FHIT: variants seen among roughly 807,000 people sequenced by gnomAD.
FHIT encodes bis(5'-adenosyl)-triphosphatase.
FHIT carries 19 observed loss-of-function variants against 17.9 expected under a neutral mutation model. The ratio of observed to expected loss-of-function variants is 1.06; its 90% CI spans 0.74 to 1.56. The LOEUF (loss-of-function observed/expected upper bound fraction) is 1.56, where lower values mean the gene tolerates loss of function less well. Ranked by LOEUF, FHIT falls within the 40% of genes most tolerant of loss-of-function variation. The probability of loss-of-function intolerance (pLI) is 0.00; values close to 1 mark genes in which losing one functional copy is unlikely to be tolerated. For missense variants in FHIT, 248 were observed against 189.2 expected, an observed-to-expected ratio of 1.31 and a Z score of -1.82; for synonymous variants, 81 against 69.7, an observed-to-expected ratio of 1.16 and a Z score of -0.81.
chr3:61,240,378 T>C (rs1265667343), intron 1 of FHIT, among the ~76,000 whole-genome samples: 1 of 152,188 alleles, frequency 6.6e-6, no homozygotes, highest in African/African-American at 2.4e-5. Flanking sequence ...ACATATACTC[T>C]GGTATGAATG....
chr3:60,023,423 C>G (rs1198064614), intron 5 of FHIT, among the ~76,000 whole-genome samples: 36 of 152,170 alleles, frequency 2.4e-4, no homozygotes, highest in Admixed American at 2.4e-3. Flanking sequence ...AGAGTGAAAC[C>G]TGGGGCCCAA....
At chr3:60,867,182 C>T (rs1401882561) in intron 3 of FHIT, among the ~76,000 whole-genome samples, 2 of 151,784 alleles carry the variant, frequency 1.3e-5, no homozygotes, top group Non-Finnish European at 2.9e-5. Flanking sequence ...AGCAAATTTG[C>T]TTATTATCTA....
intron 1 of FHIT, among the ~76,000 whole-genome samples, chr3:61,237,718 T>G (rs1201290846): frequency 6.6e-6 from 1 of 152,200 alleles, no homozygotes; most frequent in Admixed American, 6.5e-5. Flanking sequence ...AATCAATGAT[T>G]TCACTTGATT....
rs538227448 is a variant in FHIT, at chr3:59,995,217, A to G, written c.279+16154T>C. Among the ~76,000 whole-genome samples, 14 of 152,206 alleles carry G rather than the reference A, an allele frequency of 9.2e-5. No individual in the cohort carries two copies. The South Asian group carries it at 2.7e-3, about 29-fold the overall frequency. Reference sequence around the variant, plus strand: ...TAGGCATTTAGAAAAAAAAAACAACAGAACAAAACCTTATCAAATTTAAAA... The same window carrying G: ...TAGGCATTTAGAAAAAAAAAACAACGGAACAAAACCTTATCAAATTTAAAA... On this transcript the variant is annotated intron_variant, in intron 7 of 9. Coordinates refer to ENST00000492590, the MANE Select transcript of FHIT (RefSeq NM_002012.4).
intron 5 of FHIT, among the ~76,000 whole-genome samples, chr3:60,093,619 C>A (rs748684533): frequency 9.7e-4 from 147 of 152,210 alleles, no homozygotes; most frequent in African/African-American, 3.3e-3. Flanking sequence ...AGGTGAGTGG[C>A]GGGTGAGCAA....
At chr3:60,177,194 C>T in intron 5 of FHIT, among the ~76,000 whole-genome samples, 1 of 150,790 alleles carries the variant, frequency 6.6e-6, no homozygotes, top group Non-Finnish European at 1.5e-5. Context: ...AAAATAAATA[C>T]CTGCCATTAA....
chr3:60,075,849 A>G (rs567924847), intron 5 of FHIT, among the ~76,000 whole-genome samples: 2 of 152,216 alleles, frequency 1.3e-5, no homozygotes, highest in Non-Finnish European at 2.9e-5. Context: ...CCTGTGATTT[A>G]TGCCATACCT....
At chr3:61,047,141 C>A (rs1304981408) in intron 2 of FHIT, among the ~76,000 whole-genome samples, 1 of 152,088 alleles carries the variant, frequency 6.6e-6, no homozygotes, top group African/African-American at 2.4e-5. Context: ...GGCAATCAGA[C>A]AATAGAAAGA....
At chr3:59,861,540 C>T (rs1702404904) in intron 8 of FHIT, among the ~76,000 whole-genome samples, 1 of 152,202 alleles carries the variant, frequency 6.6e-6, no homozygotes, top group Non-Finnish European at 1.5e-5. Context: ...ATTATTAGCA[C>T]TTCTGCCAAA....
chr3:60,108,821 G>A (rs969163567), intron 5 of FHIT, among the ~76,000 whole-genome samples: 2 of 151,950 alleles, frequency 1.3e-5, no homozygotes, highest in African/African-American at 2.4e-5. Flanking sequence ...GCGCCACCAA[G>A]CCCAGCTAAT....
intron 5 of FHIT, among the ~76,000 whole-genome samples, chr3:60,049,227 G>C (rs1012130453): frequency 6.6e-6 from 1 of 151,810 alleles, no homozygotes; most frequent in Admixed American, 6.6e-5. Flanking sequence ...TCTTCTATTT[G>C]TTTACATCAT....
At chr3:60,732,118 T>G (rs782679398) in intron 4 of FHIT, 66 of 695,528 alleles carry the variant, frequency 9.5e-5, no homozygotes, top group Non-Finnish European at 1.2e-4. Context: ...AATGGTCTGG[T>G]GGTTAAGAGA....
At chr3:60,699,432 T>C (rs554342061) in intron 4 of FHIT, among the ~76,000 whole-genome samples, 40 of 152,316 alleles carry the variant, frequency 2.6e-4, no homozygotes, top group African/African-American at 8.9e-4. Context: ...AGCAAAAATG[T>C]CATTATTGCT....
At chr3:60,319,199 C>G (rs1709304950) in intron 5 of FHIT, among the ~76,000 whole-genome samples, 1 of 152,164 alleles carries the variant, frequency 6.6e-6, no homozygotes, top group African/African-American at 2.4e-5. Context: ...GGGGCCATCA[C>G]TCAGCCTACC....
chr3:60,111,077 G>C (rs73096039), intron 5 of FHIT, among the ~76,000 whole-genome samples: 14,740 of 151,960 alleles, frequency 0.097, 1,392 homozygotes, highest in East Asian at 0.43. Flanking sequence ...ACACTACAGA[G>C]TGATCTGATA....
chr3:59,866,347 G>A (rs1365730140), intron 8 of FHIT, among the ~76,000 whole-genome samples: 1 of 152,174 alleles, frequency 6.6e-6, no homozygotes, highest in African/African-American at 2.4e-5. Context: ...CAATGTAACT[G>A]CTATTGGGTG....
At chr3:59,926,329 C>A (rs1295981939) in intron 7 of FHIT, among the ~76,000 whole-genome samples, 1 of 152,168 alleles carries the variant, frequency 6.6e-6, no homozygotes, top group African/African-American at 2.4e-5. Context: ...TCAAAAATAT[C>A]TATTTCTAGG....
chr3:60,553,161 A>T, intron 4 of FHIT, among the ~76,000 whole-genome samples: 1 of 152,068 alleles, frequency 6.6e-6, no homozygotes, highest in Middle Eastern at 3.4e-3. Flanking sequence ...CATCATCTTT[A>T]TTTCTGTATT....
At chr3:60,389,378 A>T (rs1038728909) in intron 5 of FHIT, among the ~76,000 whole-genome samples, 1 of 152,162 alleles carries the variant, frequency 6.6e-6, no homozygotes, top group Non-Finnish European at 1.5e-5. Flanking sequence ...GAAGATAGAA[A>T]ATGTGCAGTA....
Sources: gnomAD v4.1 joint callset for allele counts (sites outside exome capture counted in the v4.1 genomes callset) on GRCh38, gnomAD v4.1.1 for gene constraint, MANE v1.5 for transcripts, NCBI Gene and HGNC (gene_info 2026-07-23, HGNC 2026-07-21) for gene names.